Variants in IGSF11 observed in about 807,000 individuals in gnomAD.
IGSF11 encodes CXADR like 1.
A neutral mutation model predicts 41.0 loss-of-function variants in IGSF11; 22 were observed. That is an observed-to-expected ratio of 0.54 (90% CI 0.38 to 0.77). The LOEUF (loss-of-function observed/expected upper bound fraction) is 0.77. Among genes scored for constraint, IGSF11 ranks in the 30% least tolerant of loss-of-function variants. The pLI, the probability that IGSF11 is intolerant of heterozygous loss-of-function variation, is 0.00. For missense variants in IGSF11, 444 were observed against 530.8 expected (o/e 0.84, Z 1.61); for synonymous variants, 219 against 201.3 (o/e 1.09, Z -0.74).
At chr3:119,100,793 T>G (rs2076926811) in intron 1 of IGSF11, among the ~76,000 whole-genome samples, 1 of 152,160 alleles carries the variant, frequency 6.6e-6, no homozygotes, top group African/African-American at 2.4e-5. Context: ...TGATATAAGT[T>G]ACATCCAGGG....
intron 1 of IGSF11, among the ~76,000 whole-genome samples, chr3:118,935,896 T>C (rs1943235750): frequency 6.6e-6 from 1 of 150,710 alleles, no homozygotes; most frequent in Non-Finnish European, 1.5e-5. Flanking sequence ...TAACCTGCTT[T>C]AGTTCTCATC....
chr3:118,994,061 C>T (rs1385218279), intron 1 of IGSF11, among the ~76,000 whole-genome samples: 1 of 152,164 alleles, frequency 6.6e-6, no homozygotes, highest in Non-Finnish European at 1.5e-5. Context: ...TGCCAAACTG[C>T]AAACCTTTTC....
intron 1 of IGSF11, among the ~76,000 whole-genome samples, chr3:118,964,166 A>G (rs112114703): frequency 2.6e-5 from 4 of 152,164 alleles, no homozygotes; most frequent in African/African-American, 7.2e-5. Flanking sequence ...CATCCTATAC[A>G]TTGGATTACC....
chr3:119,120,832 A>T (rs919869105), intron 1 of IGSF11, among the ~76,000 whole-genome samples: 2 of 151,828 alleles, frequency 1.3e-5, no homozygotes, highest in Non-Finnish European at 2.9e-5. Context: ...CATATAAAAG[A>T]TCCTAGTTTA....
At chr3:118,923,982 T>C (rs1024517336) in intron 4 of IGSF11, among the ~76,000 whole-genome samples, 21 of 152,166 alleles carry the variant, frequency 1.4e-4, no homozygotes, top group African/African-American at 4.8e-4. Flanking sequence ...GGACATACTT[T>C]GTAACTAAAT....
intron 1 of IGSF11, among the ~76,000 whole-genome samples, chr3:118,941,653 A>G (rs1407801860): frequency 2.6e-5 from 4 of 152,218 alleles, no homozygotes; most frequent in Non-Finnish European, 5.9e-5. Flanking sequence ...AGATCTACAG[A>G]AAAACCTATA....
intron 1 of IGSF11, among the ~76,000 whole-genome samples, chr3:119,074,031 C>T (rs1055335207): frequency 1.3e-5 from 2 of 152,206 alleles, no homozygotes; most frequent in South Asian, 2.1e-4. Flanking sequence ...CTCTTAGAGA[C>T]CTGCAAATAG....
At chr3:118,911,440 G>C (rs77907258) in intron 4 of IGSF11, among the ~76,000 whole-genome samples, 32 of 152,256 alleles carry the variant, frequency 2.1e-4, no homozygotes, top group African/African-American at 7.7e-4. Context: ...ATCAGGCTGC[G>C]TGTGGTGGCT....
intron 4 of IGSF11, among the ~76,000 whole-genome samples, chr3:118,906,666 G>A (rs574068758): frequency 2.6e-5 from 4 of 152,168 alleles, no homozygotes; most frequent in Non-Finnish European, 4.4e-5. Context: ...GTATTGCCAA[G>A]AAATGCTTCA....
At chr3:119,109,505 G>A (rs2077103353), upstream of IGSF11, among the ~76,000 whole-genome samples, 2 of 152,024 alleles carry the variant, frequency 1.3e-5, no homozygotes, top group African/African-American at 2.4e-5. Context: ...TCTTGCTAGT[G>A]GTCTATGAAT....
At chr3:118,999,589 GTGAC>G (rs1936608427) in intron 1 of IGSF11, among the ~76,000 whole-genome samples, 1 of 152,218 alleles carries the variant, frequency 6.6e-6, no homozygotes, top group African/African-American at 2.4e-5. Flanking sequence ...ATCCTTGTAA[GTGAC>G]TGAGCAAAAA....
intron 1 of IGSF11, among the ~76,000 whole-genome samples, chr3:118,941,209 T>C (rs1050025171): frequency 2.6e-5 from 4 of 152,020 alleles, no homozygotes; most frequent in Admixed American, 6.6e-5. Flanking sequence ...ATACAAGCCA[T>C]AGGTTGGGAA....
At chr3:118,946,611 ATG>A (rs1944162999) in intron 1 of IGSF11, among the ~76,000 whole-genome samples, 1 of 152,190 alleles carries the variant, frequency 6.6e-6, no homozygotes, top group African/African-American at 2.4e-5. Flanking sequence ...TTTGTGTCCA[ATG>A]TATGTCATAC....
At chr3:119,138,956 A>G (rs113949124) in intron 1 of IGSF11, among the ~76,000 whole-genome samples, 2,515 of 152,276 alleles carry the variant, frequency 0.017, 71 homozygotes, top group African/African-American at 0.057. Flanking sequence ...AGTATTTGCT[A>G]GCACAACAGG....
intron 1 of IGSF11, among the ~76,000 whole-genome samples, chr3:118,935,369 GAT>G (rs202160040): frequency 0.079 from 10,362 of 131,578 alleles, 565 homozygotes; most frequent in Admixed American, 0.16. Flanking sequence ...TACACCCTGA[GAT>G]ATATACACAC....
At chr3:119,009,566 A>G (rs1024274267) in intron 1 of IGSF11, among the ~76,000 whole-genome samples, 2 of 152,190 alleles carry the variant, frequency 1.3e-5, no homozygotes, top group African/African-American at 2.4e-5. Flanking sequence ...CACCATGACT[A>G]TAAGTTTCCT....
intron 4 of IGSF11, 38 bp downstream of exon 4, chr3:118,926,063 G>T: frequency 7.2e-7 from 1 of 1,384,008 alleles, no homozygotes; most frequent in East Asian, 2.6e-5. Flanking sequence ...AATTGTCCAT[G>T]ATAACTAATA....
chr3:119,113,535 T>C (rs967385218), intron 1 of IGSF11, among the ~76,000 whole-genome samples: 1 of 152,350 alleles, frequency 6.6e-6, no homozygotes, highest in African/African-American at 2.4e-5. Flanking sequence ...CCAGGCCATG[T>C]TGATGCAACA....
chr3:119,133,250 A>C (rs534396814), intron 1 of IGSF11, among the ~76,000 whole-genome samples: 1 of 152,196 alleles, frequency 6.6e-6, no homozygotes, highest in Non-Finnish European at 1.5e-5. Context: ...GACACAAAAA[A>C]ACCCTTCAAA....
Sources: gnomAD v4.1 joint callset for allele counts (sites outside exome capture counted in the v4.1 genomes callset) on GRCh38, gnomAD v4.1.1 for gene constraint, MANE v1.5 for transcripts, NCBI Gene and HGNC (gene_info 2026-07-23, HGNC 2026-07-21) for gene names.